Variants in PLD2 observed in about 807,000 individuals in gnomAD.
The protein encoded by PLD2 is phospholipase D2.
A neutral mutation model predicts 119.8 loss-of-function variants in PLD2; 101 were observed. The observed-to-expected ratio is 0.84, with a 90% CI of 0.72 to 0.99. PLD2 has a LOEUF of 0.99. Ranked by LOEUF, PLD2 falls within the 50% of genes least tolerant of loss-of-function variation. PLD2 has a pLI of 0.00. For missense variants in PLD2, 1,164 were observed against 1,226.8 expected (o/e 0.95, Z 0.76); for synonymous variants, 494 against 482.8 (o/e 1.02, Z -0.30).
chr17:4,818,107 G>A lies in PLD2; in HGVS notation c.1920+1G>A, dbSNP rs752776190. ...GAGCCAGCACTTCCTCTACATTGAGGTCTGACTGGGAGGAGGTGGGGGAGA... is the reference window on the plus strand; with the variant it reads ...GAGCCAGCACTTCCTCTACATTGAGATCTGACTGGGAGGAGGTGGGGGAGA... On this transcript the variant is annotated splice_donor_variant, in intron 18 of 24. Coordinates refer to ENST00000263088, the MANE Select transcript of PLD2 (RefSeq NM_002663.5). LOFTEE classifies it high-confidence loss of function. 6.2e-7 allele frequency: 1 copy of A among 1,607,120 alleles called. No homozygotes were observed.
rs200030878 is a variant in PLD2 at position 4,809,715 on chromosome 17, A to G, written c.639A>G (p.Ser213=). The G allele has an allele frequency of 3.7e-6, 6 of 1,614,202 alleles. No individual in the cohort carries two copies. The highest frequency in any genetic ancestry group is 1.3e-5 in the African/African-American group (1 of 75,060). Reference sequence around the variant, plus strand: ...GGGAGGGGATGATCCGGAAGCGCTCAGGTGGCCACCGTGTTCCTGGCCTCA... The same window carrying G: ...GGGAGGGGATGATCCGGAAGCGCTCGGGTGGCCACCGTGTTCCTGGCCTCA... ...KGLEGMIRKR[S]GGHRVPGLTC... The change falls in exon 8 of 25, where the codon TCA becomes TCG. Residue 213 remains serine (S), a synonymous_variant. Coordinates refer to ENST00000263088, the MANE Select transcript of PLD2 (RefSeq NM_002663.5).
Position 4,818,530 on chromosome 17 carries a change from CT to C in PLD2, c.2048del (p.Leu683TyrfsTer108), listed in dbSNP as rs1194781320. On this transcript the variant is annotated frameshift_variant, in exon 20 of 25. Coordinates refer to ENST00000263088, the MANE Select transcript of PLD2 (RefSeq NM_002663.5). LOFTEE classifies it high-confidence loss of function. Reference sequence around the variant, plus strand: ...GTTACCGAGTCTACGTGCTTTTGCCCTTACTCCCTGGCTTCGAGGGTGACAT... The same window carrying C: ...GTTACCGAGTCTACGTGCTTTTGCCCTACTCCCTGGCTTCGAGGGTGACAT... Reference protein sequence around the residue: ...WCYRVYVLLPLLPGFEGDIST... With the variant: ...WCYRVYVLLPXLPGFEGDIST... 6.2e-7 allele frequency: 1 copy of C among 1,613,906 alleles called. No homozygotes were observed. Among genetic ancestry groups the C allele is most frequent in the Non-Finnish European group, 8.5e-7 (1 of 1,179,960 alleles).
rs922840410 is a variant in PLD2, at chr17:4,818,793, T to C, written c.2143T>C (p.Tyr715His). ...TCTCAGGACCCTGTGTCGTGGGGAG[T>C]ATTCAATCCTGCATCGCCTTAAAGC... The part of the protein sequence containing the change: ...FTYRTLCRGE[Y>H]SILHRLKAAM... The change falls in exon 21 of 25, where the codon TAT becomes CAT. Residue 715 changes from tyrosine (Y) to histidine (H), a missense_variant. Tyr to His is a moderately conservative substitution (Grantham distance 83). Transcript: ENST00000263088. 4 of 1,613,594 alleles carry C rather than the reference T, an allele frequency of 2.5e-6. No individual in the cohort carries two copies. The Admixed American group carries it at 6.7e-5, about 27-fold the overall frequency.
chr17:4,812,313 T>TG (rs1555521885), intron 10 of PLD2, among the ~76,000 whole-genome samples: 1 of 149,558 alleles, frequency 6.7e-6, no homozygotes, highest in East Asian at 2.0e-4. Flanking sequence ...TTTTTTTTTT[T>TG]GAGATGGAGT....
chr17:4,815,753 G>A lies in PLD2; in HGVS notation c.1285-11G>A. On this transcript the variant is annotated splice_polypyrimidine_tract_variant and intron_variant, in intron 13 of 24. Coordinates refer to ENST00000263088, the MANE Select transcript of PLD2 (RefSeq NM_002663.5). ...AAACCCACCCTCATGAACCCTCCATGCCTGCTCCAGGTGATGCGTCACCCA... is the reference window on the plus strand; with the variant it reads ...AAACCCACCCTCATGAACCCTCCATACCTGCTCCAGGTGATGCGTCACCCA... 6.2e-7 allele frequency: 1 copy of A among 1,613,534 alleles called. No homozygotes were observed. Among genetic ancestry groups the A allele is most frequent in the Non-Finnish European group, 8.5e-7 (1 of 1,179,728 alleles).
chr17:4,818,161 C>T, intron 18 of PLD2, 55 bp downstream of exon 18: 1 of 1,451,170 alleles, frequency 6.9e-7, no homozygotes. Flanking sequence ...AGGAGAGAGA[C>T]CTGGGGAATG....
chr17:4,810,020 C>G lies in PLD2; in HGVS notation c.851C>G (p.Thr284Ser), dbSNP rs763293763. 6.2e-7 allele frequency: 1 copy of G among 1,612,862 alleles called. No homozygotes were observed. The highest frequency in any genetic ancestry group is 1.1e-5 in the South Asian group (1 of 91,026). ...TEARHGVRID[T>S]SHRSLILKCS... ...GCACGGCACGGCGTGCGGATCGATA[C>G]CTCCCACAGGTGAGGCCTCCCTGGG... is the stretch of plus-strand genomic sequence containing the variant. The change falls in exon 9 of 25, where the codon ACC becomes AGC. Residue 284 changes from threonine (T) to serine (S), a missense_variant. Physicochemically the swap from Thr to Ser is moderately conservative, Grantham distance 58 (BLOSUM62 1). Transcript: ENST00000263088.
In PLD2 at chr17:4,807,545, G is replaced by T. The variant is rs1905979892; in HGVS notation, c.-1-227G>T. On this transcript the variant is annotated intron_variant, in intron 1 of 24. Transcript: ENST00000263088. The surrounding 1 kb of genome is among the most constrained non-coding windows in gnomAD (Gnocchi z 5.4). ...CGGGGCTCTGGTTACGGGACGGGGCGGGGGGCGGGGGGCGGGACTGGGATT... is the reference window on the plus strand; with the variant it reads ...CGGGGCTCTGGTTACGGGACGGGGCTGGGGGCGGGGGGCGGGACTGGGATT... 4.8e-6 allele frequency: 2 copies of T among 412,566 alleles called. No individual in the cohort carries two copies. Among genetic ancestry groups the T allele is most frequent in the Admixed American group, 3.7e-5 (1 of 27,130 alleles). The allele number at this position is 412,566 out of a possible 1,614,324, so 25.6% of individuals were successfully genotyped here. A position where few individuals can be genotyped will look rare whatever the true frequency, so the allele number is the denominator to read the frequency against.
At position 4,808,526 on chromosome 17, in the gene PLD2, G is replaced by GGTCATCTCTT; in HGVS notation, c.383+110_383+111insGTCATCTCTT. The GGTCATCTCTT allele has an allele frequency of 1.9e-6, 2 of 1,066,902 alleles. No homozygotes were observed. Among genetic ancestry groups the GGTCATCTCTT allele is most frequent in the Non-Finnish European group, 2.8e-6 (2 of 717,756 alleles). The allele number at this position is 1,066,902 out of a possible 1,614,324, so 66.1% of individuals were successfully genotyped here. A position where few individuals can be genotyped will look rare whatever the true frequency, so the allele number is the denominator to read the frequency against. On this transcript the variant is annotated intron_variant, in intron 4 of 24. Transcript: ENST00000263088. The surrounding 1 kb of genome is among the most constrained non-coding windows in gnomAD (Gnocchi z 4.1). ...TCCTCCCTGCAACTCTGGCCACTGT[G>GGTCATCTCTT]CTGCCTCCCCTGACCCCAGTTACCA...
intron 10 of PLD2, 146 bp downstream of exon 10, chr17:4,811,097 T>G: frequency 1.3e-6 from 1 of 776,154 alleles, no homozygotes; most frequent in South Asian, 1.9e-5. Context: ...TCCTGACCTT[T>G]GACATCTTTA....
chr17:4,813,049 G>A (rs1364336064), intron 10 of PLD2, among the ~76,000 whole-genome samples: 13 of 151,986 alleles, frequency 8.6e-5, no homozygotes, highest in Admixed American at 5.9e-4. Flanking sequence ...TGGCTCTGTC[G>A]CCCAAGCTGG....
Position 4,816,944 on chromosome 17 carries a change from T to G in PLD2, c.1590T>G (p.Ile530Met), listed in dbSNP as rs760450833. The G allele has an allele frequency of 1.2e-6, 2 of 1,612,540 alleles. No individual in the cohort carries two copies. Among genetic ancestry groups the G allele is most frequent in the East Asian group, 4.5e-5 (2 of 44,838 alleles). The change falls in exon 16 of 25, where the codon ATT becomes ATG. Residue 530 changes from isoleucine (I) to methionine (M), a missense_variant. Ile to Met is a conservative substitution (Grantham distance 10). Transcript: ENST00000263088. ...VQLDRPFEDF[I>M]DRETTPRMPW... ...TCTCCTGGGACCCCCCAGATTTCATTGACAGGGAGACGACCCCTCGGATGC... is the reference window on the plus strand; with the variant it reads ...TCTCCTGGGACCCCCCAGATTTCATGGACAGGGAGACGACCCCTCGGATGC...
intron 14 of PLD2, 98 bp downstream of exon 14, chr17:4,816,032 C>A: frequency 1.1e-6 from 1 of 893,734 alleles, no homozygotes; most frequent in Non-Finnish European, 1.8e-6. Flanking sequence ...TCATTCCAGG[C>A]CCTGCCAACC....
chr17:4,807,902 G>T lies in PLD2; in HGVS notation c.109+21G>T, dbSNP rs1466229314. The stretch of plus-strand genomic sequence containing the variant: ...CCCAGGTACACAGGGAAGATGGATG[G>T]CCCTCAGGGAGGAGAGGCGTTCGGG... On this transcript the variant is annotated intron_variant, in intron 2 of 24. Transcript: ENST00000263088. This position sits in a 1 kb window ranked among gnomAD's most constrained non-coding sequence, Gnocchi z 5.4. 6.2e-7 allele frequency: 1 copy of T among 1,609,574 alleles called. No individual in the cohort carries two copies. The highest frequency in any genetic ancestry group is 8.5e-7 in the Non-Finnish European group (1 of 1,176,244).
In PLD2 at chr17:4,808,224, G is replaced by A. The variant is rs754979615; in HGVS notation, c.241-50G>A. 6 of 1,600,698 alleles carry A rather than the reference G, an allele frequency of 3.7e-6. No homozygotes were observed. Among genetic ancestry groups the A allele is most frequent in the South Asian group, 3.3e-5 (3 of 90,012 alleles). On this transcript the variant is annotated intron_variant, in intron 3 of 24. Coordinates refer to ENST00000263088, the MANE Select transcript of PLD2 (RefSeq NM_002663.5). This position sits in a 1 kb window ranked among gnomAD's most constrained non-coding sequence, Gnocchi z 4.1. ...CAAAAGGAGGGCTGGCCAGAGTGGG[G>A]AGGCGGGGACCCACGCAGGGGACAT...
At chr17:4,810,380 C>G (rs1184521581) in intron 9 of PLD2, among the ~76,000 whole-genome samples, 1 of 152,150 alleles carries the variant, frequency 6.6e-6, no homozygotes, top group Admixed American at 6.5e-5. Context: ...CGCGGTGGCT[C>G]ACACCTACAA....
rs370537823 is a variant in PLD2, at chr17:4,809,944, C to T, written c.775C>T (p.Gln259Ter). 6.2e-7 allele frequency: 1 copy of T among 1,614,152 alleles called. No homozygotes were observed. Among genetic ancestry groups the T allele is most frequent in the Non-Finnish European group, 8.5e-7 (1 of 1,180,022 alleles). ...CGAGACAGGTGCCATCTCATTTGTT[C>T]AGCTCTTTGACCCTGGCTTTGAGGT... ...CLETGAISFV[Q>*]LFDPGFEVQV... The change falls in exon 9 of 25, where the codon CAG becomes TAG. Residue 259 changes from glutamine (Q) to a stop codon, truncating the protein, a stop_gained. Coordinates refer to ENST00000263088, the MANE Select transcript of PLD2 (RefSeq NM_002663.5). LOFTEE classifies it high-confidence loss of function.
At chr17:4,809,815 G>T (rs1451004966) in intron 8 of PLD2, 32 bp downstream of exon 8, 1 of 1,614,026 alleles carries the variant, frequency 6.2e-7, no homozygotes. Context: ...CTGGGCAGTG[G>T]GTGGGGGTGA....
chr17:4,818,214 C>T (rs1907233255), intron 18 of PLD2, 83 bp from the exon 19 acceptor site: 1 of 1,437,416 alleles, frequency 7.0e-7, no homozygotes. Context: ...GAAGCAGACG[C>T]CTGGAGCCTG....
Sources: gnomAD v4.1 joint callset for allele counts (sites outside exome capture counted in the v4.1 genomes callset) on GRCh38, gnomAD v4.1.1 for gene constraint, Gnocchi (gnomAD v3.1) non-coding constraint, MANE v1.5 for transcripts, NCBI Gene and HGNC (gene_info 2026-07-23, HGNC 2026-07-21) for gene names.